Variants in MCUB observed in about 807,000 individuals in gnomAD.
MCUB encodes mitochondrial calcium uniporter dominant negative subunit beta.
In MCUB, 46 loss-of-function variants were observed where a neutral mutation model predicts 41.4. That is an observed-to-expected ratio of 1.11 (90% CI 0.88 to 1.42). The LOEUF (loss-of-function observed/expected upper bound fraction) is 1.42. MCUB is among the 40% of genes most tolerant of loss of function. The probability of loss-of-function intolerance (pLI) is 0.00; values close to 1 mark genes in which losing one functional copy is unlikely to be tolerated. For synonymous variants in MCUB, 148 were observed against 148.2 expected, an observed-to-expected ratio of 1.00 and a Z score of 0.01; for missense variants, 403 against 404.9, an observed-to-expected ratio of 1.00 and a Z score of 0.04.
chr4:109,573,867 A>AT (rs70954166), intron 1 of MCUB, among the ~76,000 whole-genome samples: 20,382 of 112,416 alleles, frequency 0.18, 2,271 homozygotes, highest in African/African-American at 0.26. Context: ...AAAGGGTTGA[A>AT]TTTTTTTTTT....
intron 1 of MCUB, among the ~76,000 whole-genome samples, chr4:109,643,778 A>G (rs532406669): frequency 6.6e-5 from 10 of 152,224 alleles, no homozygotes; most frequent in Admixed American, 2.6e-4. Flanking sequence ...TGCTGGGATT[A>G]CAGGCATGAG....
chr4:109,597,710 G>C (rs1360741713), intron 1 of MCUB, among the ~76,000 whole-genome samples: 1 of 139,852 alleles, frequency 7.2e-6, no homozygotes, highest in Admixed American at 6.9e-5. Flanking sequence ...CCTCCTGGAC[G>C]GGGCGGCTGG....
chr4:109,675,096 G>T (rs535271002), intron 4 of MCUB, among the ~76,000 whole-genome samples: 25 of 151,890 alleles, frequency 1.6e-4, no homozygotes, highest in African/African-American at 6.0e-4. Flanking sequence ...ATGTCAAAAA[G>T]AAAAAAAAGA....
chr4:109,654,270 A>G (rs934043622), intron 1 of MCUB, among the ~76,000 whole-genome samples: 2 of 152,142 alleles, frequency 1.3e-5, no homozygotes, highest in African/African-American at 4.8e-5. Context: ...GCCAGCTCTT[A>G]AATTACCAGC....
intron 1 of MCUB, among the ~76,000 whole-genome samples, chr4:109,575,374 G>T (rs1337343611): frequency 6.6e-6 from 1 of 152,104 alleles, no homozygotes; most frequent in African/African-American, 2.4e-5. Context: ...GGTCATTGGG[G>T]GTTAGACTGT....
intron 1 of MCUB, among the ~76,000 whole-genome samples, chr4:109,581,359 T>A (rs1170167632): frequency 2.0e-5 from 3 of 152,190 alleles, no homozygotes; most frequent in Non-Finnish European, 4.4e-5. Context: ...ATCCCTTCCT[T>A]ACACCTTATA....
intron 1 of MCUB, among the ~76,000 whole-genome samples, chr4:109,655,451 T>G (rs796571863): frequency 9.8e-5 from 15 of 152,296 alleles, no homozygotes; most frequent in African/African-American, 3.4e-4. Context: ...TCTAGGCTTT[T>G]AATCAAGGTT....
chr4:109,680,779 G>A (rs925004413), intron 4 of MCUB, among the ~76,000 whole-genome samples: 7 of 152,164 alleles, frequency 4.6e-5, no homozygotes, highest in Non-Finnish European at 8.8e-5. Context: ...CTAGACATAT[G>A]TCTCTCTTGT....
chr4:109,622,989 T>C (rs1561230909), intron 1 of MCUB, among the ~76,000 whole-genome samples: 1 of 152,336 alleles, frequency 6.6e-6, no homozygotes, highest in African/African-American at 2.4e-5. Context: ...CTGTCATGTC[T>C]ACAGTATGCT....
Position 109,684,449 on chromosome 4 carries a change from G to A in MCUB, c.619G>A (p.Ala207Thr). The change falls in exon 6 of 8, where the codon GCT becomes ACT. Residue 207 changes from alanine (A) to threonine (T), a missense_variant. Physicochemically the swap from Ala to Thr is moderately conservative, Grantham distance 58. Coordinates refer to ENST00000394650, the MANE Select transcript of MCUB (RefSeq NM_017918.5). ...EQLQPLEQVK[A>T]GIEAHSEAKT... ...GTTTTTCATTCCCCCTCAGGTGAAA[G>A]CTGGAATAGAAGCTCATTCGGAAGC... 6.2e-7 allele frequency: 1 copy of A among 1,608,868 alleles called. No homozygotes were observed. Among genetic ancestry groups the A allele is most frequent in the Non-Finnish European group, 8.5e-7 (1 of 1,177,780 alleles).
At chr4:109,600,306 G>A (rs549917045) in intron 1 of MCUB, among the ~76,000 whole-genome samples, 33 of 152,206 alleles carry the variant, frequency 2.2e-4, no homozygotes, top group Non-Finnish European at 2.4e-4. Flanking sequence ...GGGCCATGTA[G>A]CCCTCATCTG....
At chr4:109,656,344 T>C (rs550602689) in intron 1 of MCUB, among the ~76,000 whole-genome samples, 1 of 143,328 alleles carries the variant, frequency 7.0e-6, no homozygotes, top group African/African-American at 2.6e-5. Context: ...GCTCTAACTT[T>C]TACTCTCTAC....
At chr4:109,684,262 CCAT>C (rs918514688) in intron 5 of MCUB, among the ~76,000 whole-genome samples, 178 bp from the exon 6 acceptor site, 2 of 152,010 alleles carry the variant, frequency 1.3e-5, no homozygotes, top group Non-Finnish European at 2.9e-5. Flanking sequence ...CGGGGTTTCA[CCAT>C]GTTAACCAGG....
At chr4:109,572,571 CTT>C (rs970925936) in intron 1 of MCUB, among the ~76,000 whole-genome samples, 6 of 152,038 alleles carry the variant, frequency 3.9e-5, no homozygotes, top group Admixed American at 3.9e-4. Context: ...TAAAACGTGT[CTT>C]AGTATATAAT....
At chr4:109,671,634 C>T (rs1729461742) in intron 4 of MCUB, among the ~76,000 whole-genome samples, 1 of 152,180 alleles carries the variant, frequency 6.6e-6, no homozygotes, top group African/African-American at 2.4e-5. Flanking sequence ...GCATATTGTG[C>T]ACTTTTTCCA....
chr4:109,574,933 A>C (rs1406522099), intron 1 of MCUB, among the ~76,000 whole-genome samples: 3 of 152,222 alleles, frequency 2.0e-5, no homozygotes, highest in African/African-American at 4.8e-5. Flanking sequence ...GATCCAAAAA[A>C]AGTATGAGAC....
intron 1 of MCUB, among the ~76,000 whole-genome samples, chr4:109,658,233 A>G (rs1413935132): frequency 6.6e-6 from 1 of 152,194 alleles, no homozygotes; most frequent in Non-Finnish European, 1.5e-5. Flanking sequence ...GTGCATGTGA[A>G]TCTTCTGAGG....
chr4:109,606,707 T>C (rs1340034488), intron 1 of MCUB, among the ~76,000 whole-genome samples: 1 of 152,230 alleles, frequency 6.6e-6, no homozygotes, highest in African/African-American at 2.4e-5. Flanking sequence ...ATTGTTTCTA[T>C]TTATATCTTA....
chr4:109,627,644 G>C (rs1239055994), intron 1 of MCUB, among the ~76,000 whole-genome samples: 1 of 152,188 alleles, frequency 6.6e-6, no homozygotes, highest in Non-Finnish European at 1.5e-5. Context: ...TGGGCACGGT[G>C]GTTCACACCT....
Sources: gnomAD v4.1 joint callset for allele counts (sites outside exome capture counted in the v4.1 genomes callset) on GRCh38, gnomAD v4.1.1 for gene constraint, MANE v1.5 for transcripts, NCBI Gene and HGNC (gene_info 2026-07-23, HGNC 2026-07-21) for gene names.